Variants in CLSPN observed in about 807,000 individuals in gnomAD.
The protein encoded by CLSPN is claspin.
A neutral mutation model predicts 156.3 loss-of-function variants in CLSPN; 85 were observed. The observed-to-expected ratio is 0.54, with a 90% confidence interval of 0.46 to 0.65. The LOEUF (loss-of-function observed/expected upper bound fraction) is 0.65, where lower values mean the gene tolerates loss of function less well. CLSPN is among the 30% of genes least tolerant of loss of function. The probability of loss-of-function intolerance (pLI) is 0.00; values close to 1 mark genes in which losing one functional copy is unlikely to be tolerated. For missense variants in CLSPN, 1,407 were observed against 1,554.9 expected (o/e 0.90, Z 1.60); for synonymous variants, 534 against 542.4 (o/e 0.98, Z 0.22).
intron 24 of CLSPN, among the ~76,000 whole-genome samples, chr1:35,726,660 A>C (rs916205854): frequency 1.2e-4 from 18 of 152,208 alleles, no homozygotes; most frequent in Non-Finnish European, 4.4e-5. Context: ...GACCATCCTC[A>C]GACTGGCCCC....
At chr1:35,742,197 T>G (rs1305945424) in intron 18 of CLSPN, among the ~76,000 whole-genome samples, 1 of 152,134 alleles carries the variant, frequency 6.6e-6, no homozygotes, top group Admixed American at 6.6e-5. Flanking sequence ...CAGGAGGATT[T>G]AAGTTAAAAA....
chr1:35,741,872 C>T (rs1272192114), intron 18 of CLSPN, among the ~76,000 whole-genome samples: 1 of 143,866 alleles, frequency 7.0e-6, no homozygotes, highest in Non-Finnish European at 1.5e-5. Flanking sequence ...ACTCAGGAGG[C>T]TGAAGCAGGA....
chr1:35,765,327 C>T lies in CLSPN; in HGVS notation c.25-1G>A. ...TTGGGTCATTGATTTCTAGGTGAACCTAGAAAATGACAATATACTTTATAT... is the reference window on the plus strand; with the variant it reads ...TTGGGTCATTGATTTCTAGGTGAACTTAGAAAATGACAATATACTTTATAT... On this transcript the variant is annotated splice_acceptor_variant, in intron 1 of 24. Transcript: ENST00000318121. LOFTEE classifies it high-confidence loss of function. 1 of 1,605,182 alleles carries T rather than the reference C, an allele frequency of 6.2e-7. No individual in the cohort carries two copies.
chr1:35,738,382 TA>T (rs1641555765), intron 21 of CLSPN, 72 bp downstream of exon 21: 4 of 1,485,978 alleles, frequency 2.7e-6, no homozygotes, highest in African/African-American at 1.4e-5. Flanking sequence ...CATGACAAGC[TA>T]AGATTTTGAA....
At chr1:35,741,116 C>CT (rs1468028944) in intron 18 of CLSPN, among the ~76,000 whole-genome samples, 1 of 151,672 alleles carries the variant, frequency 6.6e-6, no homozygotes, top group African/African-American at 2.4e-5. Context: ...CTTTATAAAA[C>CT]TTTTTTTAAC....
chr1:35,737,977 G>A lies in CLSPN; in HGVS notation c.3664+15C>T. The A allele has an allele frequency of 7.1e-7, 1 of 1,401,064 alleles. No individual in the cohort carries two copies. The highest frequency in any genetic ancestry group is 1.7e-5 in the South Asian group (1 of 58,564). 86.8% of individuals were successfully genotyped at this position (1,401,064 alleles called of 1,614,324 possible). ...AATCCAGGGGGCTAGACCCTAAGGAGAAACAAGAGCTCACCATTCTTCTGC... is the reference window on the plus strand; with the variant it reads ...AATCCAGGGGGCTAGACCCTAAGGAAAAACAAGAGCTCACCATTCTTCTGC... On this transcript the variant is annotated intron_variant, in intron 22 of 24. Coordinates refer to ENST00000318121, the MANE Select transcript of CLSPN (RefSeq NM_022111.4).
At chr1:35,723,200 G>A (rs1641113605) in intron 24 of CLSPN, among the ~76,000 whole-genome samples, 1 of 152,208 alleles carries the variant, frequency 6.6e-6, no homozygotes, top group Non-Finnish European at 1.5e-5. Flanking sequence ...GGTATCTGTG[G>A]CTGGGTTCAC....
chr1:35,755,270 T>TTA (rs1254753970), intron 8 of CLSPN, among the ~76,000 whole-genome samples: 2 of 151,130 alleles, frequency 1.3e-5, no homozygotes, highest in Non-Finnish European at 3.0e-5. Flanking sequence ...CAGCTAATTT[T>TTA]TTTTTTTTTT....
Position 35,749,583 on chromosome 1 carries a change from G to A in CLSPN, c.2207+50C>T, listed in dbSNP as rs533814232. The stretch of plus-strand genomic sequence containing the variant: ...CAGTATCTGTTCCTAGTTTTTACAG[G>A]AGGGGCAAATCCAAGGCAATTTTAA... On this transcript the variant is annotated intron_variant, in intron 11 of 24. Coordinates refer to ENST00000318121, the MANE Select transcript of CLSPN (RefSeq NM_022111.4). The A allele has an allele frequency of 1.4e-4, 223 of 1,613,810 alleles. 2 individuals are homozygous for A. In the South Asian group the frequency reaches 2.3e-3, roughly 16 times the overall value.
chr1:35,765,384 A>G, intron 1 of CLSPN, 58 bp from the exon 2 acceptor site: 1 of 1,113,316 alleles, frequency 9.0e-7, no homozygotes, highest in East Asian at 2.4e-5. Context: ...CTCCAAGTAC[A>G]TAATGACACA....
At chr1:35,736,661 C>A in intron 24 of CLSPN, 55 bp from the exon 25 acceptor site, 1 of 1,544,576 alleles carries the variant, frequency 6.5e-7, no homozygotes, top group Non-Finnish European at 8.7e-7. Context: ...CAAGTATTTA[C>A]CTTCAATTAG....
In CLSPN at chr1:35,735,109, G is replaced by A; in HGVS notation, c.*1387C>T. Reference sequence around the variant, plus strand: ...ATAAATAAGGGTTATGTTTCTTCTTGTCAGACCCAGAAGGGAGATCTTTGA... The same window carrying A: ...ATAAATAAGGGTTATGTTTCTTCTTATCAGACCCAGAAGGGAGATCTTTGA... On this transcript the variant is annotated 3_prime_UTR_variant, in exon 25 of 25. Transcript: ENST00000318121. 2.0e-6 allele frequency: 2 copies of A among 985,410 alleles called. No individual in the cohort carries two copies. Among genetic ancestry groups the A allele is most frequent in the African/African-American group, 3.5e-5 (2 of 57,348 alleles). 61.0% of individuals were successfully genotyped at this position (985,410 alleles called of 1,614,324 possible). A position where few individuals can be genotyped will look rare whatever the true frequency, so the allele number is the denominator to read the frequency against.
chr1:35,747,689 G>C (rs1393943465), intron 14 of CLSPN, among the ~76,000 whole-genome samples: 1 of 152,132 alleles, frequency 6.6e-6, no homozygotes, highest in Non-Finnish European at 1.5e-5. Flanking sequence ...TTTCAAATAA[G>C]ACAGAAATTG....
intron 10 of CLSPN, 139 bp from the exon 11 acceptor site, chr1:35,749,950 T>C: frequency 1.0e-6 from 1 of 960,908 alleles, no homozygotes; most frequent in South Asian, 2.0e-5. Context: ...GGAAGTTCCA[T>C]ATGACCATTA....
intron 24 of CLSPN, among the ~76,000 whole-genome samples, chr1:35,725,878 C>T (rs933229606): frequency 6.6e-6 from 1 of 152,072 alleles, no homozygotes; most frequent in African/African-American, 2.4e-5. Flanking sequence ...AGAAGACAGG[C>T]TGGGGAAACA....
At chr1:35,764,230 T>C in intron 3 of CLSPN, 36 bp downstream of exon 3, 3 of 1,352,994 alleles carry the variant, frequency 2.2e-6, no homozygotes, top group South Asian at 1.4e-5. Flanking sequence ...AATGTTAACC[T>C]ACCCAAGCAA....
At position 35,739,353 on chromosome 1, in the gene CLSPN, T is replaced by C. The variant is rs1264533845; in HGVS notation, c.3308+12A>G. 6.2e-7 allele frequency: 1 copy of C among 1,613,982 alleles called. No individual in the cohort carries two copies. The highest frequency in any genetic ancestry group is 1.3e-5 in the African/African-American group (1 of 75,044). ...TACCCTATTACTCAGAAGGGCTTATTGGGATACTGACATGTGTATTTTCTT... is the reference window on the plus strand; with the variant it reads ...TACCCTATTACTCAGAAGGGCTTATCGGGATACTGACATGTGTATTTTCTT... On this transcript the variant is annotated intron_variant, in intron 19 of 24. Coordinates refer to ENST00000318121, the MANE Select transcript of CLSPN (RefSeq NM_022111.4).
intron 21 of CLSPN, 129 bp from the exon 22 acceptor site, chr1:35,738,226 T>G: frequency 1.6e-6 from 1 of 629,404 alleles, no homozygotes. Flanking sequence ...GTTTTCCTTT[T>G]TGCAGCCTTT....
rs1641451428 is a variant in CLSPN, at chr1:35,735,870, A to T, written c.*626T>A. 1.0e-6 allele frequency: 1 copy of T among 985,278 alleles called. No individual in the cohort carries two copies. Among genetic ancestry groups the T allele is most frequent in the South Asian group, 4.7e-5 (1 of 21,288 alleles). The allele number at this position is 985,278 out of a possible 1,614,324, so 61.0% of individuals were successfully genotyped here. On this transcript the variant is annotated 3_prime_UTR_variant, in exon 25 of 25. Transcript: ENST00000318121. ...AACCACTTCTATCAATCACAAAGAGATATTAACCCAGAAAGCTGCTACAAT... is the reference window on the plus strand; with the variant it reads ...AACCACTTCTATCAATCACAAAGAGTTATTAACCCAGAAAGCTGCTACAAT...
Sources: gnomAD v4.1 joint callset for allele counts (sites outside exome capture counted in the v4.1 genomes callset) on GRCh38, gnomAD v4.1.1 for gene constraint, MANE v1.5 for transcripts, NCBI Gene and HGNC (gene_info 2026-07-23, HGNC 2026-07-21) for gene names.